Variants in UGT2B4 observed in about 807,000 individuals in gnomAD.
UGT2B4 encodes UDP-glucuronosyltransferase 2B4.
Under a neutral mutation model 49.8 loss-of-function variants are expected in UGT2B4, and 49 were observed. The observed-to-expected ratio is 0.98, with a 90% CI of 0.78 to 1.25. The LOEUF is 1.25. Among genes scored for constraint, UGT2B4 ranks in the 50% most tolerant of loss-of-function variants. UGT2B4 has a pLI of 0.00. For synonymous variants in UGT2B4, 246 were observed against 217.7 expected, an observed-to-expected ratio of 1.13 and a Z score of -1.14; for missense variants, 729 against 627.7, an observed-to-expected ratio of 1.16 and a Z score of -1.73.
chr4:69,522,102 G>A (rs1204551398), intron 1 of UGT2B4, among the ~76,000 whole-genome samples: 2 of 152,122 alleles, frequency 1.3e-5, no homozygotes. Flanking sequence ...CATGGAAAAA[G>A]ATGCAAATAT....
At chr4:69,506,172 A>G (rs990496496) in intron 1 of UGT2B4, among the ~76,000 whole-genome samples, 2 of 152,104 alleles carry the variant, frequency 1.3e-5, no homozygotes, top group African/African-American at 2.4e-5. Flanking sequence ...AGAACAGAGA[A>G]CCAAGAGCAA....
intron 1 of UGT2B4, among the ~76,000 whole-genome samples, chr4:69,508,937 CT>C (rs990770497): frequency 1.3e-5 from 2 of 152,094 alleles, no homozygotes; most frequent in African/African-American, 4.8e-5. Flanking sequence ...ATTTATGCAT[CT>C]TGTTTCACTG....
upstream of UGT2B4, among the ~76,000 whole-genome samples, chr4:69,499,691 T>A (rs943318972): frequency 6.6e-6 from 1 of 152,210 alleles, no homozygotes; most frequent in Non-Finnish European, 1.5e-5. Context: ...AAGACCTGCT[T>A]CTTTCTGCTT....
At chr4:69,501,078 C>T (rs747738848) in intron 1 of UGT2B4, among the ~76,000 whole-genome samples, 10 of 152,228 alleles carry the variant, frequency 6.6e-5, no homozygotes, top group Middle Eastern at 3.4e-3. Flanking sequence ...AGGATAAGAC[C>T]CACTGGCTTG....
At chr4:69,504,608 G>C (rs1315704353) in intron 1 of UGT2B4, among the ~76,000 whole-genome samples, 1 of 152,108 alleles carries the variant, frequency 6.6e-6, no homozygotes, top group Admixed American at 6.5e-5. Flanking sequence ...TTTGTAAAGA[G>C]ACTAAATCTA....
At chr4:69,516,168 A>G (rs1728726745) in intron 1 of UGT2B4, among the ~76,000 whole-genome samples, 1 of 152,202 alleles carries the variant, frequency 6.6e-6, no homozygotes. Context: ...TGAAAATGAC[A>G]TGATCTTCTT....
rs746178594 is a variant in UGT2B4 at position 69,495,149 on chromosome 4, T to G, written c.713A>C (p.Glu238Ala). The G allele has an allele frequency of 1.3e-6, 2 of 1,533,810 alleles. No homozygotes were observed. Among genetic ancestry groups the G allele is most frequent in the African/African-American group, 2.8e-5 (2 of 71,836 alleles). Residue 238 changes from glutamate to alanine, a missense_variant, in exon 1 of 6, where the codon GAA becomes GCA. Transcript: ENST00000305107. Reference sequence around the variant, plus strand: ...TCAAAAAAGTTACTTACCTAGAACTTCACTGTAGAACTGATCCCACTTCTT... The same window carrying G: ...TCAAAAAAGTTACTTACCTAGAACTGCACTGTAGAACTGATCCCACTTCTT... ...DMKKWDQFYS[E>A]VLGRPTTLSE...
At chr4:69,504,114 A>G (rs949510002) in intron 1 of UGT2B4, among the ~76,000 whole-genome samples, 1 of 152,168 alleles carries the variant, frequency 6.6e-6, no homozygotes, top group African/African-American at 2.4e-5. Context: ...CAGGCCCACA[A>G]AGGTAAAAAA....
At position 69,480,897 on chromosome 4, in the gene UGT2B4, C is replaced by A; in HGVS notation, c.1324G>T (p.Ala442Ser). The part of the protein sequence containing the change: ...VINDPLYKEN[A>S]MKLSRIHHDQ... Reference sequence around the variant, plus strand: ...TGATGAATTCTTGATAATTTCATAGCATTCTCTTTATATCTAAACGATAAG... The same window carrying A: ...TGATGAATTCTTGATAATTTCATAGAATTCTCTTTATATCTAAACGATAAG... Residue 442 changes from alanine (A) to serine (S), a missense_variant, in exon 6 of 6, where the codon GCT (alanine) becomes TCT (serine). Coordinates refer to ENST00000305107, the MANE Select transcript of UGT2B4 (RefSeq NM_021139.3). 9 of 1,613,640 alleles carry A rather than the reference C, an allele frequency of 5.6e-6. No homozygotes were observed. The highest frequency in any genetic ancestry group is 7.6e-6 in the Non-Finnish European group (9 of 1,179,782).
rs1728124120 is a variant in UGT2B4, at chr4:69,495,404, A to G, written c.458T>C (p.Val153Ala). The G allele has an allele frequency of 6.2e-7, 1 of 1,614,012 alleles. No individual in the cohort carries two copies. Among genetic ancestry groups the G allele is most frequent in the South Asian group, 1.1e-5 (1 of 91,080 alleles). ...GGCCAGCAGCTCACCAAAGGGGAAA[A>G]CAGCATCTGCAAGAACAACATCAAA... is the stretch of plus-strand genomic sequence containing the variant. ...SRFDVVLADA[V>A]FPFGELLAEL... is the part of the protein sequence containing the mutation. The change falls in exon 1 of 6, where the codon GTT becomes GCT. Residue 153 changes from valine to alanine, a missense_variant. By Grantham distance (64) the Val-to-Ala change is moderately conservative. Transcript: ENST00000305107.
At chr4:69,505,659 A>G (rs1728448552) in intron 1 of UGT2B4, among the ~76,000 whole-genome samples, 2 of 152,164 alleles carry the variant, frequency 1.3e-5, no homozygotes, top group South Asian at 4.1e-4. Flanking sequence ...ACATATCATC[A>G]AGGCAGAAAA....
chr4:69,524,671 A>T (rs1728932192), intron 1 of UGT2B4, among the ~76,000 whole-genome samples: 1 of 147,614 alleles, frequency 6.8e-6, no homozygotes, highest in South Asian at 2.2e-4. Flanking sequence ...TTGTTTGATT[A>T]TAAGATTGCC....
chr4:69,501,896 G>A (rs921995919), intron 1 of UGT2B4, among the ~76,000 whole-genome samples: 1 of 152,100 alleles, frequency 6.6e-6, no homozygotes, highest in African/African-American at 2.4e-5. Context: ...TAAGGCCCTG[G>A]TGGAGTGGGC....
chr4:69,487,611 A>C (rs565126883), intron 3 of UGT2B4, among the ~76,000 whole-genome samples: 40 of 152,082 alleles, frequency 2.6e-4, no homozygotes, highest in Non-Finnish European at 5.1e-4. Context: ...GGTTGGGAGG[A>C]GAGAAAGGAT....
chr4:69,493,787 C>A lies in UGT2B4; in HGVS notation c.776G>T (p.Arg259Leu), dbSNP rs764806996. 6.2e-7 allele frequency: 1 copy of A among 1,608,564 alleles called. No individual in the cohort carries two copies. The highest frequency in any genetic ancestry group is 8.5e-7 in the Non-Finnish European group (1 of 1,177,734). ...TMAKADIWLIRNYWDFQFPHP... is the reference protein window; with the variant it reads ...TMAKADIWLILNYWDFQFPHP... ...AGGAAATTGAAAATCCCAGTAGTTTCGAATAAGCCATATGTCAGCTTTTGC... is the reference window on the plus strand; with the variant it reads ...AGGAAATTGAAAATCCCAGTAGTTTAGAATAAGCCATATGTCAGCTTTTGC... The change falls in exon 2 of 6, where the codon CGA (arginine) becomes CTA (leucine). Residue 259 changes from arginine (R) to leucine (L), a missense_variant. Arg to Leu is a moderately radical substitution (Grantham distance 102). Coordinates refer to ENST00000305107, the MANE Select transcript of UGT2B4 (RefSeq NM_021139.3).
chr4:69,499,220 C>T (rs142980874), upstream of UGT2B4, among the ~76,000 whole-genome samples: 2 of 152,026 alleles, frequency 1.3e-5, no homozygotes, highest in Non-Finnish European at 2.9e-5. Context: ...GTGCTGTGGT[C>T]GGAGACACTG....
intron 1 of UGT2B4, among the ~76,000 whole-genome samples, chr4:69,515,328 C>A (rs1378823267): frequency 1.3e-5 from 2 of 152,140 alleles, no homozygotes; most frequent in Non-Finnish European, 1.5e-5. Flanking sequence ...TAGACTACAG[C>A]ACACACAAAT....
chr4:69,498,567 T>G (rs754175703), upstream of UGT2B4, among the ~76,000 whole-genome samples: 1 of 151,884 alleles, frequency 6.6e-6, no homozygotes, highest in African/African-American at 2.4e-5. Flanking sequence ...GAACTTGTTA[T>G]AGGTCTCATC....
upstream of UGT2B4, among the ~76,000 whole-genome samples, chr4:69,498,241 A>G (rs1477444825): frequency 2.0e-5 from 3 of 152,220 alleles, no homozygotes; most frequent in African/African-American, 7.2e-5. Context: ...AATCTGCAAC[A>G]TCTCAGAAGT....
Sources: allele counts gnomAD v4.1 joint callset (sites outside exome capture counted in the v4.1 genomes callset), GRCh38; gene constraint gnomAD v4.1.1; transcripts MANE v1.5; gene names NCBI Gene and HGNC (gene_info 2026-07-23, HGNC 2026-07-21).